HSD17B12: variants seen among roughly 807,000 people sequenced by gnomAD.
HSD17B12 encodes hydroxysteroid 17-beta dehydrogenase 12, also known as very-long-chain 3-oxoacyl-CoA reductase.
In HSD17B12, 32 loss-of-function variants were observed where a neutral mutation model predicts 39.3. The observed-to-expected ratio is 0.81, with a 90% CI of 0.61 to 1.09. The LOEUF (loss-of-function observed/expected upper bound fraction) is 1.09. Ranked by LOEUF, HSD17B12 falls within the 50% of genes least tolerant of loss-of-function variation. The pLI is 0.00. For missense variants in HSD17B12, 342 were observed against 382.9 expected, an observed-to-expected ratio of 0.89 and a Z score of 0.89; for synonymous variants, 150 against 146.7, an observed-to-expected ratio of 1.02 and a Z score of -0.16.
At chr11:43,603,760 T>G in the HSD17B12 span, among the ~76,000 whole-genome samples, 1 of 152,228 alleles carries the variant, frequency 6.6e-6, no homozygotes, top group Non-Finnish European at 1.5e-5. Context: ...GCCCCAATTA[T>G]GCTATATTAA....
At chr11:43,579,484 G>C in the HSD17B12 span, 1 of 152,376 alleles carries the variant, frequency 6.6e-6, no homozygotes, top group South Asian at 2.1e-4. Context: ...AGTGCGGACG[G>C]GACCGGCGCG....
the HSD17B12 span, among the ~76,000 whole-genome samples, chr11:43,628,111 A>C: frequency 3.0e-4 from 46 of 151,864 alleles, no homozygotes; most frequent in African/African-American, 1.1e-3. Flanking sequence ...TTGCTGAAGA[A>C]ATTTCTATTT....
chr11:43,632,245 A>G, the HSD17B12 span, among the ~76,000 whole-genome samples: 6 of 152,176 alleles, frequency 3.9e-5, no homozygotes, highest in Non-Finnish European at 5.9e-5. Flanking sequence ...TATAGAGTAA[A>G]TGAATTGAAT....
chr11:43,594,527 CT>C, the HSD17B12 span, among the ~76,000 whole-genome samples: 459 of 143,978 alleles, frequency 3.2e-3, no homozygotes, highest in Admixed American at 0.014. Flanking sequence ...TTTCTTTTCT[CT>C]TTTTTTTTTT....
chr11:43,576,766 G>A, the HSD17B12 span, among the ~76,000 whole-genome samples: 1 of 152,096 alleles, frequency 6.6e-6, no homozygotes, highest in Non-Finnish European at 1.5e-5. Context: ...AGCTGTGTGC[G>A]TGTGTATGTG....
the HSD17B12 span, among the ~76,000 whole-genome samples, chr11:43,568,402 C>T: frequency 6.6e-6 from 1 of 152,116 alleles, no homozygotes; most frequent in Non-Finnish European, 1.5e-5. Flanking sequence ...TGCACCCAGC[C>T]TCCTGTTTGT....
At chr11:43,611,038 C>T in the HSD17B12 span, among the ~76,000 whole-genome samples, 4 of 152,076 alleles carry the variant, frequency 2.6e-5, no homozygotes, top group Non-Finnish European at 4.4e-5. Context: ...TTCTAAAATC[C>T]GGTGCATTTA....
chr11:43,847,637 G>C (rs144196786), intron 9 of HSD17B12, among the ~76,000 whole-genome samples: 306 of 147,118 alleles, frequency 2.1e-3, no homozygotes, highest in East Asian at 5.6e-3. Flanking sequence ...AGCCCAGGAG[G>C]TTGAAGGTGC....
the HSD17B12 span, among the ~76,000 whole-genome samples, chr11:43,646,766 G>T: frequency 2.0e-5 from 3 of 152,096 alleles, no homozygotes; most frequent in Non-Finnish European, 4.4e-5. Context: ...AAGAATTTTG[G>T]TATTTAATCA....
At chr11:43,558,581 C>G in the HSD17B12 span, among the ~76,000 whole-genome samples, 1 of 152,054 alleles carries the variant, frequency 6.6e-6, no homozygotes, top group Non-Finnish European at 1.5e-5. Context: ...GGGAATACCC[C>G]CTCCTCCATG....
intron 1 of HSD17B12, among the ~76,000 whole-genome samples, chr11:43,688,747 G>C (rs1949825881): frequency 6.6e-6 from 1 of 152,142 alleles, no homozygotes; most frequent in Non-Finnish European, 1.5e-5. Flanking sequence ...GGAGTCAGTG[G>C]GCAAGCTGTG....
chr11:43,835,138 G>A (rs962565225), intron 7 of HSD17B12, among the ~76,000 whole-genome samples: 15 of 152,216 alleles, frequency 9.9e-5, no homozygotes, highest in South Asian at 2.1e-4. Flanking sequence ...AATTGTTCCC[G>A]AGTCCCCAGA....
chr11:43,782,841 G>A (rs1332896324), intron 3 of HSD17B12, among the ~76,000 whole-genome samples: 4 of 152,108 alleles, frequency 2.6e-5, no homozygotes, highest in Non-Finnish European at 4.4e-5. Flanking sequence ...CTTTTATAGT[G>A]GAGGAAACTG....
chr11:43,677,071 TATG>T (rs1949699544), upstream of HSD17B12, among the ~76,000 whole-genome samples: 1 of 152,088 alleles, frequency 6.6e-6, no homozygotes, highest in Non-Finnish European at 1.5e-5. Context: ...TAAAATAAAA[TATG>T]ATGTCAGCTC....
At chr11:43,722,212 AC>A (rs1490566880) in intron 1 of HSD17B12, among the ~76,000 whole-genome samples, 1 of 152,112 alleles carries the variant, frequency 6.6e-6, no homozygotes, top group Non-Finnish European at 1.5e-5. Context: ...TAACTTTGTG[AC>A]CCTACTGCAA....
chr11:43,785,196 G>A (rs1203885448), intron 3 of HSD17B12, among the ~76,000 whole-genome samples: 9 of 152,070 alleles, frequency 5.9e-5, no homozygotes, highest in Admixed American at 3.3e-4. Flanking sequence ...AGACAGGTTC[G>A]GGTTACTTGA....
chr11:43,655,564 T>C, the HSD17B12 span, among the ~76,000 whole-genome samples: 1 of 152,188 alleles, frequency 6.6e-6, no homozygotes, highest in African/African-American at 2.4e-5. Context: ...GCTCTTATTA[T>C]TTTGAGATAC....
In HSD17B12 at chr11:43,757,587, T is replaced by G. The variant is rs1424182240; in HGVS notation, c.283+3466T>G. ...AGCGGAGCTTGCAGTGAGCCGAGAT[T>G]GCGCCACTGCAGTCCGCAGTCCGGC... On this transcript the variant is annotated intron_variant, in intron 3 of 10. Coordinates refer to ENST00000278353, the MANE Select transcript of HSD17B12 (RefSeq NM_016142.3). 6.6e-5 allele frequency among the ~76,000 whole-genome samples: 8 copies of G among 120,328 alleles called. No homozygotes were observed. In the East Asian group the frequency reaches 1.9e-3, roughly 29 times the overall value. 78.9% of individuals were successfully genotyped at this position (120,328 alleles called of 152,430 possible).
intron 1 of HSD17B12, among the ~76,000 whole-genome samples, chr11:43,696,977 C>T (rs1304361769): frequency 6.7e-6 from 1 of 149,924 alleles, no homozygotes; most frequent in African/African-American, 2.5e-5. Context: ...CACGTGGACA[C>T]AGAGAGGGGA....
Sources: gnomAD v4.1 joint callset for allele counts (sites outside exome capture counted in the v4.1 genomes callset) on GRCh38, gnomAD v4.1.1 for gene constraint, MANE v1.5 for transcripts, NCBI Gene and HGNC (gene_info 2026-07-23, HGNC 2026-07-21) for gene names.